PALLD: variants seen among roughly 807,000 people sequenced by gnomAD.
The protein encoded by PALLD is palladin, cytoskeletal associated protein.
In PALLD, 61 loss-of-function variants were observed where a neutral mutation model predicts 123.5. The ratio of observed to expected loss-of-function variants is 0.49; its 90% confidence interval spans 0.40 to 0.61. The LOEUF (loss-of-function observed/expected upper bound fraction) is 0.61, where lower values mean the gene tolerates loss of function less well. PALLD is among the 20% of genes least tolerant of loss of function. PALLD has a pLI of 0.00. For missense variants in PALLD, 1,273 were observed against 1,377.0 expected (o/e 0.92, Z 1.20); for synonymous variants, 465 against 496.4 (o/e 0.94, Z 0.84).
chr4:168,672,750 G>T (rs1230823371), intron 3 of PALLD, among the ~76,000 whole-genome samples: 1 of 152,122 alleles, frequency 6.6e-6, no homozygotes, highest in Non-Finnish European at 1.5e-5. Context: ...GAGCCACCTC[G>T]CCCGGCCAAG....
At chr4:168,737,839 G>A (rs762135768) in intron 10 of PALLD, among the ~76,000 whole-genome samples, 53 of 152,260 alleles carry the variant, frequency 3.5e-4, no homozygotes, top group Admixed American at 5.2e-4. Flanking sequence ...TAGTAGTTTC[G>A]CTTCAAACAC....
At chr4:168,506,380 T>TCG (rs1489721307) in intron 1 of PALLD, among the ~76,000 whole-genome samples, 2 of 151,706 alleles carry the variant, frequency 1.3e-5, no homozygotes, top group Non-Finnish European at 2.9e-5. Flanking sequence ...TCTCTCTCTC[T>TCG]CCCTTTCTCT....
chr4:168,810,222 A>G (rs1740871984), intron 10 of PALLD, among the ~76,000 whole-genome samples: 1 of 151,964 alleles, frequency 6.6e-6, no homozygotes, highest in Admixed American at 6.6e-5. Context: ...GCATATATAG[A>G]CCATGTTTTT....
chr4:168,736,994 G>A (rs1326125795), intron 10 of PALLD, among the ~76,000 whole-genome samples: 1 of 152,166 alleles, frequency 6.6e-6, no homozygotes, highest in East Asian at 1.9e-4. Flanking sequence ...ATTTATATGT[G>A]TGTGTTCTTC....
intron 10 of PALLD, among the ~76,000 whole-genome samples, chr4:168,850,879 G>C (rs1747675077): frequency 1.3e-5 from 2 of 152,104 alleles, no homozygotes; most frequent in Non-Finnish European, 2.9e-5. Context: ...CTCAGTAGTA[G>C]CTGAGTATTA....
At chr4:168,889,934 A>G (rs890130048) in intron 10 of PALLD, among the ~76,000 whole-genome samples, 2 of 152,178 alleles carry the variant, frequency 1.3e-5, no homozygotes, top group Non-Finnish European at 2.9e-5. Context: ...TTATAAATAC[A>G]AGTATATCAT....
intron 5 of PALLD, 80 bp from the exon 6 acceptor site, chr4:168,685,405 C>T: frequency 1.1e-6 from 1 of 881,444 alleles, no homozygotes; most frequent in Admixed American, 1.7e-5. Context: ...GGGTGATCCC[C>T]ATAATGAAAG....
chr4:168,599,931 CTG>C (rs2149717959), intron 2 of PALLD, among the ~76,000 whole-genome samples: 1 of 151,830 alleles, frequency 6.6e-6, no homozygotes, highest in East Asian at 1.9e-4. Context: ...TACACATGCA[CTG>C]TTTTAGACTT....
At chr4:168,537,804 A>C (rs540743709) in intron 2 of PALLD, 1 of 152,338 alleles carries the variant, frequency 6.6e-6, no homozygotes, top group Admixed American at 6.5e-5. Context: ...GGCAGACAAA[A>C]ATGAGAGGGA....
At chr4:168,895,918 T>G (rs1227088920) in intron 12 of PALLD, among the ~76,000 whole-genome samples, 1 of 152,110 alleles carries the variant, frequency 6.6e-6, no homozygotes, top group African/African-American at 2.4e-5. Context: ...AAGTTGAAAG[T>G]GCATTTAAGG....
chr4:168,766,242 G>A (rs941871206), intron 10 of PALLD, among the ~76,000 whole-genome samples: 2 of 152,198 alleles, frequency 1.3e-5, no homozygotes, highest in African/African-American at 4.8e-5. Context: ...TGTATGCCTA[G>A]TTTGCTACAT....
At chr4:168,805,970 C>T (rs1740134376) in intron 10 of PALLD, among the ~76,000 whole-genome samples, 1 of 152,156 alleles carries the variant, frequency 6.6e-6, no homozygotes, top group Non-Finnish European at 1.5e-5. Flanking sequence ...AATTGTAATC[C>T]TGATGGGAGG....
At chr4:168,877,243 CAG>C (rs1553964890) in intron 10 of PALLD, among the ~76,000 whole-genome samples, 1 of 152,186 alleles carries the variant, frequency 6.6e-6, no homozygotes, top group Non-Finnish European at 1.5e-5. Flanking sequence ...GTAGAGTTGA[CAG>C]CACTGAAATA....
intron 2 of PALLD, among the ~76,000 whole-genome samples, chr4:168,548,379 C>A (rs1287074305): frequency 1.3e-5 from 2 of 150,218 alleles, no homozygotes; most frequent in Non-Finnish European, 3.0e-5. Flanking sequence ...CTAATACTCT[C>A]AGCAGATCAT....
chr4:168,736,239 T>C lies in PALLD; in HGVS notation c.1964+24316T>C, dbSNP rs144953896. Among the ~76,000 whole-genome samples the C allele has an allele frequency of 6.0e-3, 913 of 152,360 alleles. 8 individuals are homozygous for C. The highest frequency in any genetic ancestry group is 0.021 in the African/African-American group (853 of 41,580). On this transcript the variant is annotated intron_variant, in intron 10 of 21. Transcript: ENST00000505667. ...ATAATTAATAATTACTACACTTTTA[T>C]TCTGGTATGTATACATACTTAGAAA...
At chr4:168,809,245 A>C (rs1334841154) in intron 10 of PALLD, among the ~76,000 whole-genome samples, 1 of 152,100 alleles carries the variant, frequency 6.6e-6, no homozygotes, top group Non-Finnish European at 1.5e-5. Flanking sequence ...AAATTCCCTC[A>C]GGGTAAAACA....
intron 2 of PALLD, among the ~76,000 whole-genome samples, chr4:168,569,792 CTT>C (rs1409696312): frequency 1.3e-5 from 2 of 152,218 alleles, no homozygotes; most frequent in East Asian, 3.9e-4. Flanking sequence ...GTAACTGAAA[CTT>C]TGTATAAATT....
chr4:168,685,583 C>T, intron 6 of PALLD, 24 bp downstream of exon 6: 1 of 1,495,676 alleles, frequency 6.7e-7, no homozygotes. Context: ...AAGTCTCATT[C>T]TCTGTGTTTG....
intron 8 of PALLD, among the ~76,000 whole-genome samples, chr4:168,697,944 A>G (rs556506692): frequency 7.9e-4 from 120 of 152,286 alleles, no homozygotes; most frequent in African/African-American, 2.8e-3. Context: ...ACTATTCACA[A>G]TAGTTAAGAT....
Sources: gnomAD v4.1 joint callset for allele counts (sites outside exome capture counted in the v4.1 genomes callset) on GRCh38, gnomAD v4.1.1 for gene constraint, MANE v1.5 for transcripts, NCBI Gene and HGNC (gene_info 2026-07-23, HGNC 2026-07-21) for gene names.